The following VSNL1 variants were observed in gnomAD, a reference collection of about 807,000 sequenced individuals.
VSNL1 encodes visinin-like protein 1.
A neutral mutation model predicts 20.4 loss-of-function variants in VSNL1; 6 were observed. The ratio of observed to expected loss-of-function variants is 0.29; its 90% confidence interval spans 0.16 to 0.58. The LOEUF (loss-of-function observed/expected upper bound fraction) is 0.58, where lower values mean the gene tolerates loss of function less well. Ranked by LOEUF, VSNL1 falls within the 20% of genes least tolerant of loss-of-function variation. The pLI is 0.90. For synonymous variants in VSNL1, 93 were observed against 86.4 expected, an observed-to-expected ratio of 1.08 and a Z score of -0.42; for missense variants, 100 against 234.5, an observed-to-expected ratio of 0.43 and a Z score of 3.75.
chr2:17,639,328 C>T (rs889625717), intron 2 of VSNL1, among the ~76,000 whole-genome samples: 2 of 152,188 alleles, frequency 1.3e-5, no homozygotes, highest in East Asian at 1.9e-4. Context: ...AATCCACCTT[C>T]CTCTCACTGG....
At chr2:17,652,235 T>G (rs892414290) in intron 3 of VSNL1, among the ~76,000 whole-genome samples, 3 of 152,110 alleles carry the variant, frequency 2.0e-5, no homozygotes, top group Non-Finnish European at 2.9e-5. Context: ...TGGGGCAACC[T>G]GATGTTTAGA....
At chr2:17,614,450 G>T (rs182623836) in intron 2 of VSNL1, among the ~76,000 whole-genome samples, 1 of 152,182 alleles carries the variant, frequency 6.6e-6, no homozygotes, top group Non-Finnish European at 1.5e-5. Context: ...CTTTGGAGCC[G>T]ACTCCGCCTT....
rs535242375 is a variant in VSNL1, at chr2:17,581,616, C to G, written c.-5-10454C>G. On this transcript the variant is annotated intron_variant, in intron 1 of 3. Coordinates refer to ENST00000295156, the MANE Select transcript of VSNL1 (RefSeq NM_003385.5). ...TCCTTGAGATAATTTCGAGAGACCACTTTATAAAATATTCCTTACCCAATC... is the reference window on the plus strand; with the variant it reads ...TCCTTGAGATAATTTCGAGAGACCAGTTTATAAAATATTCCTTACCCAATC... 6.6e-5 allele frequency among the ~76,000 whole-genome samples: 10 copies of G among 152,348 alleles called. No individual in the cohort carries two copies. In the South Asian group the frequency reaches 2.1e-3, roughly 32 times the overall value.
chr2:17,639,411 A>ACATG (rs1665833118), intron 2 of VSNL1, among the ~76,000 whole-genome samples: 1 of 152,090 alleles, frequency 6.6e-6, no homozygotes, highest in African/African-American at 2.4e-5. Flanking sequence ...CTCCCTAACC[A>ACATG]CATGCAGATC....
At chr2:17,601,811 T>C (rs922817593) in intron 2 of VSNL1, among the ~76,000 whole-genome samples, 1 of 151,932 alleles carries the variant, frequency 6.6e-6, no homozygotes, top group Non-Finnish European at 1.5e-5. Context: ...GGCATGCACC[T>C]GTAGTCCCAG....
At chr2:17,541,334 G>C (rs911822647) in intron 1 of VSNL1, 1 of 152,222 alleles carries the variant, frequency 6.6e-6, no homozygotes, top group African/African-American at 2.4e-5. Context: ...TCTCACTGTG[G>C]AAGGGCAGCA....
chr2:17,609,904 G>A lies in VSNL1; in HGVS notation c.162+17668G>A, dbSNP rs184444918. Among the ~76,000 whole-genome samples, 346 of 152,290 alleles carry A rather than the reference G, an allele frequency of 2.3e-3. 1 individual carries two copies. The highest frequency in any genetic ancestry group is 7.6e-3 in the African/African-American group (317 of 41,568). On this transcript the variant is annotated intron_variant, in intron 2 of 3. Coordinates refer to ENST00000295156, the MANE Select transcript of VSNL1 (RefSeq NM_003385.5). ...CTGCCATCATCTCTACCCTTTTCCT[G>A]CACCCACTCCCCAGCCTTTATCCCC...
chr2:17,558,185 A>G (rs1663733861), intron 1 of VSNL1, among the ~76,000 whole-genome samples: 1 of 152,210 alleles, frequency 6.6e-6, no homozygotes, highest in Non-Finnish European at 1.5e-5. Context: ...GTCCTGACAT[A>G]AGGTTTTAAA....
rs373329588 is a variant in VSNL1, at chr2:17,655,411, T to C, written c.*17T>C. 206 of 1,604,508 alleles carry C rather than the reference T, an allele frequency of 1.3e-4. No individual in the cohort carries two copies. The African/African-American group carries it at 1.6e-3, about 12-fold the overall frequency. On this transcript the variant is annotated 3_prime_UTR_variant, in exon 4 of 4. Transcript: ENST00000295156. This position sits in a 1 kb window ranked among gnomAD's most constrained non-coding sequence, Gnocchi z 5.2. Reference sequence around the variant, plus strand: ...CAGAAATGAGCTGATGTCAATGCTATGGACTGCACAAAAGTCTCAATGTTC... The same window carrying C: ...CAGAAATGAGCTGATGTCAATGCTACGGACTGCACAAAAGTCTCAATGTTC...
intron 1 of VSNL1, among the ~76,000 whole-genome samples, chr2:17,581,977 A>C (rs1664361008): frequency 6.6e-6 from 1 of 152,208 alleles, no homozygotes. Context: ...GTGATGCAGC[A>C]ACAGCAGTTG....
intron 2 of VSNL1, among the ~76,000 whole-genome samples, chr2:17,620,250 C>T (rs1665325977): frequency 6.6e-6 from 1 of 152,194 alleles, no homozygotes; most frequent in Non-Finnish European, 1.5e-5. Flanking sequence ...CCAGGCCCTT[C>T]TCATGGGGAT....
intron 1 of VSNL1, among the ~76,000 whole-genome samples, chr2:17,549,857 T>C (rs916820821): frequency 2.0e-5 from 3 of 152,356 alleles, no homozygotes; most frequent in South Asian, 2.1e-4. Context: ...ATTGTTGTTC[T>C]GAAGAACTCA....
intron 1 of VSNL1, among the ~76,000 whole-genome samples, chr2:17,547,987 T>C (rs1379976673): frequency 6.6e-6 from 1 of 152,138 alleles, no homozygotes; most frequent in Non-Finnish European, 1.5e-5. Flanking sequence ...TATCTTTTAA[T>C]ACTTTCCCAA....
intron 1 of VSNL1, among the ~76,000 whole-genome samples, chr2:17,561,326 A>G (rs1033276725): frequency 6.6e-6 from 1 of 152,198 alleles, no homozygotes; most frequent in African/African-American, 2.4e-5. Flanking sequence ...GAAGAGAGGC[A>G]CAGAAAGAGT....
At chr2:17,628,662 C>T (rs1332845044) in intron 2 of VSNL1, among the ~76,000 whole-genome samples, 1 of 152,156 alleles carries the variant, frequency 6.6e-6, no homozygotes, top group Non-Finnish European at 1.5e-5. Flanking sequence ...TTCAAAGTCC[C>T]ACAGCACCTT....
intron 2 of VSNL1, among the ~76,000 whole-genome samples, chr2:17,613,525 C>T: frequency 6.6e-6 from 1 of 152,162 alleles, no homozygotes; most frequent in East Asian, 1.9e-4. Flanking sequence ...ACAGATGTTT[C>T]CCTTCTCTGG....
In VSNL1 at chr2:17,605,417, A is replaced by G. The variant is rs1664922435; in HGVS notation, c.162+13181A>G. Among the ~76,000 whole-genome samples the G allele has an allele frequency of 2.6e-5, 4 of 152,242 alleles. No individual in the cohort carries two copies. The South Asian group carries it at 8.3e-4, about 32-fold the overall frequency. On this transcript the variant is annotated intron_variant, in intron 2 of 3. Transcript: ENST00000295156. Reference sequence around the variant, plus strand: ...CTTCTATGTGAAAAAAAGTTTAAGGAGGAAGTGAAAAGGCTGTCCCTGGTG... The same window carrying G: ...CTTCTATGTGAAAAAAAGTTTAAGGGGGAAGTGAAAAGGCTGTCCCTGGTG...
At chr2:17,648,030 T>G (rs1381406799) in intron 2 of VSNL1, among the ~76,000 whole-genome samples, 2 of 152,216 alleles carry the variant, frequency 1.3e-5, no homozygotes, top group East Asian at 3.8e-4. Context: ...AAATGTTTAT[T>G]TCGTGAGATA....
At chr2:17,608,532 C>G (rs745738335) in intron 2 of VSNL1, among the ~76,000 whole-genome samples, 2 of 152,172 alleles carry the variant, frequency 1.3e-5, no homozygotes, top group Non-Finnish European at 2.9e-5. Context: ...CCAGACCAAC[C>G]AGGAAGAGTC....
Sources: gnomAD v4.1 joint callset for allele counts (sites outside exome capture counted in the v4.1 genomes callset) on GRCh38, gnomAD v4.1.1 for gene constraint, Gnocchi (gnomAD v3.1) non-coding constraint, MANE v1.5 for transcripts, NCBI Gene and HGNC (gene_info 2026-07-23, HGNC 2026-07-21) for gene names.